ANKMY1: variants seen among roughly 807,000 people sequenced by gnomAD.
ANKMY1 encodes the protein ankyrin repeat and MYND domain-containing protein 1.
In ANKMY1, 98 loss-of-function variants were observed where a neutral mutation model predicts 102.0. The ratio of observed to expected loss-of-function variants is 0.96; its 90% confidence interval spans 0.82 to 1.14. ANKMY1 has a LOEUF of 1.14. Among genes scored for constraint, ANKMY1 ranks in the 50% most tolerant of loss-of-function variants. The pLI is 0.00. For synonymous variants in ANKMY1, 582 were observed against 559.9 expected (o/e 1.04, Z -0.56); for missense variants, 1,330 against 1,347.6 (o/e 0.99, Z 0.20).
chr2:240,547,024 A>G (rs946989679), intron 4 of ANKMY1, among the ~76,000 whole-genome samples: 7 of 152,320 alleles, frequency 4.6e-5, no homozygotes, highest in African/African-American at 1.7e-4. Flanking sequence ...ATAGACACCT[A>G]CAGAACTCTC....
chr2:240,511,789 G>C, intron 11 of ANKMY1, 72 bp downstream of exon 11: 1 of 1,482,484 alleles, frequency 6.7e-7, no homozygotes, highest in Non-Finnish European at 8.9e-7. Context: ...TGCTTCCGGG[G>C]GCACAAGGCC....
intron 4 of ANKMY1, among the ~76,000 whole-genome samples, chr2:240,552,337 T>C (rs983238026): frequency 4.6e-5 from 7 of 152,226 alleles, no homozygotes; most frequent in Non-Finnish European, 7.3e-5. Context: ...GTTGACACCA[T>C]TAATATGGCA....
upstream of ANKMY1, among the ~76,000 whole-genome samples, chr2:240,558,875 T>C (rs566353927): frequency 6.6e-6 from 1 of 152,184 alleles, no homozygotes; most frequent in Admixed American, 6.5e-5. Flanking sequence ...TACAAACCAC[T>C]CAGAAAAATG....
At chr2:240,484,480 T>C (rs995292760) in intron 15 of ANKMY1, among the ~76,000 whole-genome samples, 6 of 152,182 alleles carry the variant, frequency 3.9e-5, no homozygotes, top group Non-Finnish European at 7.4e-5. Flanking sequence ...TAAATGGTGT[T>C]GGGAAAACTG....
At chr2:240,472,396 G>A in the ANKMY1 span, among the ~76,000 whole-genome samples, 13 of 152,072 alleles carry the variant, frequency 8.5e-5, no homozygotes, top group Admixed American at 7.2e-4. Context: ...CAGGAGGCAT[G>A]CCCATCTGTG....
At chr2:240,544,242 T>C (rs1346996925) in intron 4 of ANKMY1, among the ~76,000 whole-genome samples, 2 of 152,186 alleles carry the variant, frequency 1.3e-5, no homozygotes, top group Non-Finnish European at 2.9e-5. Context: ...TAAATTTTTG[T>C]CCTAAAATGA....
At chr2:240,481,977 CCCTCATCTGCAGGGTGCATCATCTGCA>C (rs1413915408) in intron 16 of ANKMY1, among the ~76,000 whole-genome samples, 179 bp downstream of exon 16, 1 of 152,160 alleles carries the variant, frequency 6.6e-6, no homozygotes, top group Non-Finnish European at 1.5e-5. Flanking sequence ...TGACTCTGCA[CCCTCATCTGCAGGGTGCATCATCTGCA>C]CCTCATCTTG....
upstream of ANKMY1, chr2:240,558,141 C>A: frequency 4.3e-6 from 1 of 234,694 alleles, no homozygotes; most frequent in Non-Finnish European, 7.0e-6. Context: ...ACCCCGCGGG[C>A]CTCGGTGCCA....
chr2:240,549,887 G>C (rs1219064927), intron 4 of ANKMY1, among the ~76,000 whole-genome samples: 4 of 151,974 alleles, frequency 2.6e-5, no homozygotes, highest in African/African-American at 9.7e-5. Flanking sequence ...AGAGGATGTG[G>C]AGAAACAGGA....
At chr2:240,525,043 G>A (rs1302355277) in intron 7 of ANKMY1, among the ~76,000 whole-genome samples, 1 of 152,222 alleles carries the variant, frequency 6.6e-6, no homozygotes, top group African/African-American at 2.4e-5. Context: ...CCTCAGGAAA[G>A]GACCTTCAGG....
At chr2:240,526,883 T>C in intron 5 of ANKMY1, 2 of 1,144,330 alleles carry the variant, frequency 1.7e-6, no homozygotes, top group Non-Finnish European at 2.2e-6. Flanking sequence ...ATGCATTATC[T>C]CATGGCTTAC....
rs781736915 is a variant in ANKMY1 at position 240,480,959 on chromosome 2, G to A, written c.3024C>T (p.Asp1008=). ...TKAWTEFHKK[D]CGDLVAIVTQ... is the part of the protein sequence containing the mutation. The stretch of plus-strand genomic sequence containing the variant: ...TACCGATGGCCACCAGGTCCCCGCA[G>A]TCCTTCTTGTGGAACTCGGTCCAGG... Residue 1008 remains aspartate (D), a synonymous_variant, in exon 17 of 18, where the codon GAC becomes GAT. Transcript: ENST00000401804. 20 of 1,611,938 alleles carry A rather than the reference G, an allele frequency of 1.2e-5. No individual in the cohort carries two copies. In the African/African-American group the frequency reaches 2.7e-4, roughly 22 times the overall value.
At chr2:240,523,105 C>T (rs2082626722) in intron 8 of ANKMY1, 1 of 152,208 alleles carries the variant, frequency 6.6e-6, no homozygotes, top group African/African-American at 2.4e-5. Context: ...CTGTGGCAGA[C>T]ACACATCAGT....
At chr2:240,507,169 A>G (rs183790514) in intron 13 of ANKMY1, among the ~76,000 whole-genome samples, 2 of 152,190 alleles carry the variant, frequency 1.3e-5, no homozygotes, top group African/African-American at 4.8e-5. Context: ...AAAGCAGACA[A>G]TATTTTGTCC....
chr2:240,500,552 A>G lies in ANKMY1; in HGVS notation c.2540T>C (p.Ile847Thr). 1 of 1,614,028 alleles carries G rather than the reference A, an allele frequency of 6.2e-7. No homozygotes were observed. The highest frequency in any genetic ancestry group is 8.5e-7 in the Non-Finnish European group (1 of 1,179,950). The change falls in exon 14 of 18, where the codon ATC (isoleucine) becomes ACC (threonine). Residue 847 changes from isoleucine to threonine, a missense_variant. Coordinates refer to ENST00000401804, the MANE Select transcript of ANKMY1 (RefSeq NM_001282771.3). Reference protein sequence around the residue: ...DSKLALIDRLISHGADILKPV... With the variant: ...DSKLALIDRLTSHGADILKPV... ...CTTCAGGATGTCGGCCCCGTGACTG[A>G]TGAGTCGGTCAATCTGTGGAGAACA...
rs549366470 is a variant in ANKMY1, at chr2:240,504,175, G to T, written c.2526+3385C>A. ...CAGCAAGACGTGGTGGGAGATGGAG[G>T]CTTCGCCAGGACCCAGGCAGCCCAG... On this transcript the variant is annotated intron_variant, in intron 13 of 17. Coordinates refer to ENST00000401804, the MANE Select transcript of ANKMY1 (RefSeq NM_001282771.3). Among the ~76,000 whole-genome samples, 21 of 152,334 alleles carry T rather than the reference G, an allele frequency of 1.4e-4. No homozygotes were observed. In the South Asian group the frequency reaches 3.1e-3, roughly 23 times the overall value.
intron 13 of ANKMY1, among the ~76,000 whole-genome samples, chr2:240,502,841 C>T (rs1368050410): frequency 2.0e-5 from 3 of 151,638 alleles, no homozygotes; most frequent in Non-Finnish European, 2.9e-5. Context: ...CAAGCCCCCA[C>T]ATCTGAACTA....
Position 240,529,471 on chromosome 2 carries a change from G to A in ANKMY1, c.519C>T (p.Val173=), listed in dbSNP as rs540611765. Residue 173 remains valine (V), a synonymous_variant, in exon 5 of 18, where the codon GTC becomes GTT. Coordinates refer to ENST00000401804, the MANE Select transcript of ANKMY1 (RefSeq NM_001282771.3). The surrounding 1 kb of genome is among the most constrained non-coding windows in gnomAD (Gnocchi z 4.2). ...YKADQRFGPG[V]ETYPDGSQDV... is the part of the protein sequence containing the mutation. The stretch of plus-strand genomic sequence containing the variant: ...CCTGGCTGCCATCGGGGTAGGTCTC[G>A]ACACCTGGCCCAAACCGCTGGTCCG... 45 of 1,613,710 alleles carry A rather than the reference G, an allele frequency of 2.8e-5. No individual in the cohort carries two copies. The highest frequency in any genetic ancestry group is 4.4e-5 in the South Asian group (4 of 91,060).
upstream of ANKMY1, chr2:240,560,916 C>T (rs1254738610): frequency 2.0e-6 from 3 of 1,536,088 alleles, no homozygotes; most frequent in Non-Finnish European, 2.6e-6. Context: ...GGCTGAGGAC[C>T]TGCTGGCGCA....
Sources: gnomAD v4.1 joint callset for allele counts (sites outside exome capture counted in the v4.1 genomes callset) on GRCh38, gnomAD v4.1.1 for gene constraint, Gnocchi (gnomAD v3.1) non-coding constraint, MANE v1.5 for transcripts, NCBI Gene and HGNC (gene_info 2026-07-23, HGNC 2026-07-21) for gene names.